Variants in DENND1B observed in about 807,000 individuals in gnomAD.
The protein encoded by DENND1B is DENN domain-containing protein 1B.
A neutral mutation model predicts 90.1 loss-of-function variants in DENND1B; 59 were observed. The ratio of observed to expected loss-of-function variants is 0.65; its 90% CI spans 0.53 to 0.81. The LOEUF is 0.81. Ranked by LOEUF, DENND1B falls within the 40% of genes least tolerant of loss-of-function variation. The probability of loss-of-function intolerance (pLI) is 0.00; values close to 1 mark genes in which losing one functional copy is unlikely to be tolerated. For synonymous variants in DENND1B, 337 were observed against 324.6 expected, an observed-to-expected ratio of 1.04 and a Z score of -0.41; for missense variants, 862 against 912.6, an observed-to-expected ratio of 0.94 and a Z score of 0.71.
chr1:197,760,236 A>G (rs893337160), intron 2 of DENND1B, among the ~76,000 whole-genome samples: 22 of 152,184 alleles, frequency 1.4e-4, no homozygotes, highest in African/African-American at 4.1e-4. Flanking sequence ...AGTAGCAGTA[A>G]GTGATGCAAG....
the DENND1B span, among the ~76,000 whole-genome samples, chr1:197,781,150 AT>A: frequency 6.6e-6 from 1 of 152,202 alleles, no homozygotes; most frequent in Non-Finnish European, 1.5e-5. Flanking sequence ...AAAAATAATA[AT>A]ACTATTAATA....
chr1:197,765,031 T>C (rs1189211641), intron 2 of DENND1B, among the ~76,000 whole-genome samples: 1 of 152,210 alleles, frequency 6.6e-6, no homozygotes, highest in Non-Finnish European at 1.5e-5. Context: ...CATGGGATTA[T>C]ACTAAGTGCT....
chr1:197,717,400 C>T (rs1022002093), intron 2 of DENND1B, among the ~76,000 whole-genome samples: 1 of 151,858 alleles, frequency 6.6e-6, no homozygotes, highest in African/African-American at 2.4e-5. Flanking sequence ...CTGATATACA[C>T]TGTGTTTCTC....
intron 2 of DENND1B, among the ~76,000 whole-genome samples, chr1:197,758,960 A>ATTTTTTTTTTTTTT (rs759108636): frequency 1.1e-4 from 11 of 97,836 alleles, no homozygotes; most frequent in African/African-American, 3.7e-4. Flanking sequence ...TACTTCATTA[A>ATTTTTTTTTTTTTT]TTTTTTTTTT....
intron 2 of DENND1B, chr1:197,746,995 C>T (rs944748430): frequency 1.1e-6 from 1 of 937,930 alleles, no homozygotes; most frequent in Non-Finnish European, 1.8e-6. Flanking sequence ...CTCTTCAAGG[C>T]CTGATTTCTC....
At chr1:197,638,256 A>G (rs1279723255) in intron 10 of DENND1B, among the ~76,000 whole-genome samples, 1 of 152,218 alleles carries the variant, frequency 6.6e-6, no homozygotes, top group Non-Finnish European at 1.5e-5. Flanking sequence ...AATATCCCCA[A>G]AACAACATGC....
intron 2 of DENND1B, among the ~76,000 whole-genome samples, chr1:197,720,405 T>C (rs951817155): frequency 1.3e-5 from 2 of 149,804 alleles, no homozygotes; most frequent in Admixed American, 1.3e-4. Flanking sequence ...GCCCAACTAA[T>C]TTTTTTTTTC....
intron 5 of DENND1B, among the ~76,000 whole-genome samples, chr1:197,660,285 G>T (rs988112369): frequency 3.3e-5 from 5 of 151,804 alleles, no homozygotes; most frequent in Admixed American, 2.0e-4. Context: ...GTATACCTAT[G>T]TAACAAACCT....
intron 20 of DENND1B, among the ~76,000 whole-genome samples, chr1:197,526,018 C>T (rs4915549): frequency 2.6e-5 from 4 of 152,016 alleles, no homozygotes; most frequent in South Asian, 2.1e-4. Context: ...TTAGTATAGG[C>T]GCACAGGCCA....
At chr1:197,754,659 C>CAAAAAAAAAAAAAAAAAAAAAAAAAAAA (rs57926782) in intron 2 of DENND1B, among the ~76,000 whole-genome samples, 1 of 72,894 alleles carries the variant, frequency 1.4e-5, no homozygotes, top group African/African-American at 5.5e-5. Flanking sequence ...GACTCTGTCT[C>CAAAAAAAAAAAAAAAAAAAAAAAAAAAA]AAAAAAAAAA....
At chr1:197,526,138 T>C (rs1201263991) in intron 20 of DENND1B, among the ~76,000 whole-genome samples, 1 of 152,080 alleles carries the variant, frequency 6.6e-6, no homozygotes, top group East Asian at 1.9e-4. Flanking sequence ...GATCCTATTA[T>C]ACCCCCATAG....
Position 197,627,488 on chromosome 1 carries a change from C to T in DENND1B, c.673-9729G>A, listed in dbSNP as rs190070174. ...TGACAAAATTCAAGAACACTTCATG[C>T]TAAAAACTCTCAATAAATTAGGTAT... On this transcript the variant is annotated intron_variant, in intron 10 of 22. Coordinates refer to ENST00000620048, the MANE Select transcript of DENND1B (RefSeq NM_001195215.2). Among the ~76,000 whole-genome samples, 656 of 152,202 alleles carry T rather than the reference C, an allele frequency of 4.3e-3. 9 individuals carry two copies. Among genetic ancestry groups the T allele is most frequent in the African/African-American group, 0.015 (613 of 41,510 alleles).
chr1:197,573,711 T>C (rs188946244), intron 15 of DENND1B, among the ~76,000 whole-genome samples: 1 of 152,332 alleles, frequency 6.6e-6, no homozygotes, highest in African/African-American at 2.4e-5. Flanking sequence ...AATAAAATAC[T>C]GGCAAACTGA....
At chr1:197,761,003 C>A (rs1314083508) in intron 2 of DENND1B, among the ~76,000 whole-genome samples, 1 of 152,086 alleles carries the variant, frequency 6.6e-6, no homozygotes. Context: ...CTTATTATTT[C>A]TTCTCTAACA....
In DENND1B at chr1:197,506,938, G is replaced by T. The variant is rs1253379222; in HGVS notation, c.*3522C>A. ...TCTGATAATAAGATAAAGACACTCA[G>T]TTTCTAAAAGAGTCTCTAAATCTGC... On this transcript the variant is annotated 3_prime_UTR_variant, in exon 23 of 23. Transcript: ENST00000620048. The T allele has an allele frequency of 1.3e-5, 2 of 151,220 alleles. No individual in the cohort carries two copies. The highest frequency in any genetic ancestry group is 6.6e-5 in the Admixed American group (1 of 15,126). 9.4% of individuals were successfully genotyped at this position (151,220 alleles called of 1,614,324 possible).
rs1466617877 is a variant in DENND1B, at chr1:197,611,962, T to C, written c.788A>G (p.Tyr263Cys). The change falls in exon 12 of 23, where the codon TAC becomes TGC. Residue 263 changes from tyrosine (Y) to cysteine (C), a missense_variant. Tyr to Cys is a radical substitution (Grantham distance 194). Transcript: ENST00000620048. ...GAGGCTGGAGTGTATTCCAATCAGGTATGGCATTGGGGCACTAAATTAAAA... is the reference window on the plus strand; with the variant it reads ...GAGGCTGGAGTGTATTCCAATCAGGCATGGCATTGGGGCACTAAATTAAAA... The part of the protein sequence containing the change: ...LLDYCCAPMP[Y>C]LIGIHSSLIE... The C allele has an allele frequency of 6.2e-6, 10 of 1,603,792 alleles. No homozygotes were observed. Among genetic ancestry groups the C allele is most frequent in the Non-Finnish European group, 7.7e-6 (9 of 1,173,160 alleles).
intron 3 of DENND1B, among the ~76,000 whole-genome samples, chr1:197,685,340 A>G (rs898066747): frequency 2.6e-5 from 4 of 152,178 alleles, no homozygotes; most frequent in South Asian, 2.1e-4. Flanking sequence ...GTGGTCAGAT[A>G]AAGACAAGTA....
intron 20 of DENND1B, among the ~76,000 whole-genome samples, chr1:197,531,140 G>T (rs1241828593): frequency 1.3e-5 from 2 of 152,310 alleles, no homozygotes; most frequent in Non-Finnish European, 2.9e-5. Flanking sequence ...TGACTGGATT[G>T]TTGGAAGTTT....
At chr1:197,727,341 C>G (rs972037143) in intron 2 of DENND1B, among the ~76,000 whole-genome samples, 1 of 152,014 alleles carries the variant, frequency 6.6e-6, no homozygotes, top group East Asian at 1.9e-4. Flanking sequence ...TGAGACCATC[C>G]TGGCTAACAC....
Sources: allele counts gnomAD v4.1 joint callset (sites outside exome capture counted in the v4.1 genomes callset), GRCh38; gene constraint gnomAD v4.1.1; transcripts MANE v1.5; gene names NCBI Gene and HGNC (gene_info 2026-07-23, HGNC 2026-07-21).